Variants in PRKG1 observed in about 807,000 individuals in gnomAD.
The protein encoded by PRKG1 is cGMP-dependent protein kinase 1.
A neutral mutation model predicts 88.1 loss-of-function variants in PRKG1; 35 were observed. That is an observed-to-expected ratio of 0.40 (90% confidence interval 0.30 to 0.53). The LOEUF is 0.53. Among genes scored for constraint, PRKG1 ranks in the 20% least tolerant of loss-of-function variants. PRKG1 has a pLI of 0.59. For synonymous variants in PRKG1, 303 were observed against 292.5 expected (o/e 1.04, Z -0.37); for missense variants, 540 against 839.8 (o/e 0.64, Z 4.41).
intron 2 of PRKG1, among the ~76,000 whole-genome samples, chr10:51,388,608 G>GA (rs1006189715): frequency 5.3e-5 from 8 of 151,362 alleles, no homozygotes; most frequent in African/African-American, 1.9e-4. Flanking sequence ...GTCATGTGAG[G>GA]AAAAAAAAAT....
At chr10:51,962,916 A>G (rs1200735586) in intron 5 of PRKG1, among the ~76,000 whole-genome samples, 1 of 152,190 alleles carries the variant, frequency 6.6e-6, no homozygotes, top group Non-Finnish European at 1.5e-5. Context: ...GTGAATTATT[A>G]TGGAGTAGGT....
chr10:52,148,957 CTTT>C (rs71904885), intron 8 of PRKG1, among the ~76,000 whole-genome samples: 29 of 55,158 alleles, frequency 5.3e-4, no homozygotes, highest in African/African-American at 1.9e-3. Context: ...GATAGTTTTG[CTTT>C]TTTTTTTTTT....
chr10:51,605,220 T>C (rs984010646), intron 3 of PRKG1, among the ~76,000 whole-genome samples: 1 of 152,172 alleles, frequency 6.6e-6, no homozygotes, highest in Non-Finnish European at 1.5e-5. Flanking sequence ...TCTTAAGATC[T>C]CAGGTTTATA....
At chr10:52,123,453 TG>T (rs1407790282) in intron 7 of PRKG1, among the ~76,000 whole-genome samples, 1 of 152,174 alleles carries the variant, frequency 6.6e-6, no homozygotes, top group Non-Finnish European at 1.5e-5. Context: ...GAGACTGCCT[TG>T]GGTAAACTCC....
intron 3 of PRKG1, among the ~76,000 whole-genome samples, chr10:51,505,604 A>G (rs1173073394): frequency 6.6e-6 from 1 of 151,942 alleles, no homozygotes; most frequent in Non-Finnish European, 1.5e-5. Flanking sequence ...CTGGTCCTGG[A>G]CTTTTTTTGG....
chr10:51,714,998 A>ATTCTT (rs1841851600), intron 3 of PRKG1, among the ~76,000 whole-genome samples: 1 of 152,144 alleles, frequency 6.6e-6, no homozygotes, highest in Non-Finnish European at 1.5e-5. Flanking sequence ...GTATGCCACT[A>ATTCTT]TTCTTTTTTT....
intron 3 of PRKG1, among the ~76,000 whole-genome samples, chr10:51,635,155 G>A (rs567985201): frequency 6.6e-6 from 1 of 152,102 alleles, no homozygotes; most frequent in East Asian, 1.9e-4. Context: ...AGCCTGTCCT[G>A]CATTTGGGTT....
chr10:51,203,321 G>T (rs113592283), intron 2 of PRKG1, among the ~76,000 whole-genome samples: 3,069 of 152,210 alleles, frequency 0.02, 48 homozygotes, highest in Middle Eastern at 0.051. Flanking sequence ...TGAATAAAAG[G>T]AAACACATTA....
At chr10:51,103,291 C>T (rs961283237) in intron 1 of PRKG1, among the ~76,000 whole-genome samples, 4 of 152,154 alleles carry the variant, frequency 2.6e-5, no homozygotes, top group African/African-American at 7.2e-5. Flanking sequence ...AAGGGCCCAA[C>T]ATAGTGATGA....
chr10:51,724,328 G>T (rs1307582559), intron 3 of PRKG1, among the ~76,000 whole-genome samples: 2 of 152,106 alleles, frequency 1.3e-5, no homozygotes, highest in Non-Finnish European at 2.9e-5. Flanking sequence ...GTACATAGAT[G>T]GTGAACTATT....
chr10:51,440,914 A>G (rs563516064), intron 2 of PRKG1, among the ~76,000 whole-genome samples: 15 of 152,136 alleles, frequency 9.9e-5, no homozygotes, highest in African/African-American at 3.6e-4. Context: ...AATGGAACCA[A>G]TAAGAGGATA....
At chr10:52,000,002 A>T (rs1335175569) in intron 5 of PRKG1, among the ~76,000 whole-genome samples, 1 of 152,066 alleles carries the variant, frequency 6.6e-6, no homozygotes, top group East Asian at 1.9e-4. Flanking sequence ...TTAATGTACT[A>T]TGGAATATTA....
intron 2 of PRKG1, among the ~76,000 whole-genome samples, chr10:51,226,206 AAAAC>A (rs1838690090): frequency 6.6e-6 from 1 of 152,192 alleles, no homozygotes; most frequent in Non-Finnish European, 1.5e-5. Flanking sequence ...TCTGTCTGCA[AAAAC>A]AAACGAACAA....
At chr10:51,158,519 A>G (rs1846273728) in intron 2 of PRKG1, among the ~76,000 whole-genome samples, 1 of 152,024 alleles carries the variant, frequency 6.6e-6, no homozygotes, top group South Asian at 2.1e-4. Flanking sequence ...TTGAACAGCA[A>G]TAGTTCAAAA....
chr10:52,160,449 C>T (rs1050485577), intron 8 of PRKG1, among the ~76,000 whole-genome samples: 2 of 151,644 alleles, frequency 1.3e-5, no homozygotes, highest in African/African-American at 4.8e-5. Context: ...ATTCTTGATT[C>T]CCCGTGTCTC....
chr10:51,188,868 TG>T (rs1240446193), intron 2 of PRKG1, among the ~76,000 whole-genome samples: 1 of 151,810 alleles, frequency 6.6e-6, no homozygotes, highest in South Asian at 2.1e-4. Flanking sequence ...CCAAAAGAAC[TG>T]AAATGAAAAA....
intron 2 of PRKG1, among the ~76,000 whole-genome samples, chr10:51,428,414 T>C (rs911924036): frequency 1.3e-5 from 2 of 152,144 alleles, no homozygotes; most frequent in Non-Finnish European, 2.9e-5. Context: ...GATGAAGCCA[T>C]GAAAAAGAAG....
rs576361926 is a variant in PRKG1 at position 51,938,188 on chromosome 10, G to A, written c.762+30618G>A. 4.6e-5 allele frequency among the ~76,000 whole-genome samples: 7 copies of A among 152,142 alleles called. No individual in the cohort carries two copies. In the East Asian group the frequency reaches 1.3e-3, roughly 29 times the overall value. On this transcript the variant is annotated intron_variant, in intron 5 of 17. Transcript: ENST00000373980. ...AAGAAGGGTAAACACAGTACATTAA[G>A]ATATTTTGAGAAAGAGACAGAGACC...
intron 3 of PRKG1, among the ~76,000 whole-genome samples, chr10:51,475,975 A>G (rs1840181702): frequency 6.6e-6 from 1 of 152,098 alleles, no homozygotes; most frequent in East Asian, 1.9e-4. Flanking sequence ...TAATGTCTTC[A>G]TACATTACAA....
Sources: allele counts gnomAD v4.1 joint callset (sites outside exome capture counted in the v4.1 genomes callset), GRCh38; gene constraint gnomAD v4.1.1; transcripts MANE v1.5; gene names NCBI Gene and HGNC (gene_info 2026-07-23, HGNC 2026-07-21).